TCEANC2: variants seen among roughly 807,000 people sequenced by gnomAD.
The protein encoded by TCEANC2 is transcription elongation factor A N-terminal and central domain containing 2.
In TCEANC2, 20 loss-of-function variants were observed where a neutral mutation model predicts 22.8. The observed-to-expected ratio is 0.88, with a 90% CI of 0.62 to 1.28. The LOEUF (loss-of-function observed/expected upper bound fraction) is 1.28, where lower values mean the gene tolerates loss of function less well. Among genes scored for constraint, TCEANC2 ranks in the 50% most tolerant of loss-of-function variants. TCEANC2 has a pLI of 0.00. For synonymous variants in TCEANC2, 84 were observed against 95.5 expected (o/e 0.88, Z 0.70); for missense variants, 251 against 249.7 (o/e 1.01, Z -0.03).
intron 3 of TCEANC2, among the ~76,000 whole-genome samples, chr1:54,085,059 G>A (rs1240968924): frequency 6.6e-6 from 1 of 152,184 alleles, no homozygotes; most frequent in African/African-American, 2.4e-5. Flanking sequence ...TCCTTGTGAT[G>A]AGTGTTGATG....
intron 3 of TCEANC2, among the ~76,000 whole-genome samples, chr1:54,083,736 A>C (rs1401503806): frequency 6.6e-6 from 1 of 152,196 alleles, no homozygotes; most frequent in Non-Finnish European, 1.5e-5. Flanking sequence ...GTTTGTTGAC[A>C]TGTTGAGCCA....
At chr1:54,065,722 T>C (rs934912370) in intron 2 of TCEANC2, among the ~76,000 whole-genome samples, 4 of 148,286 alleles carry the variant, frequency 2.7e-5, no homozygotes, top group Non-Finnish European at 6.0e-5. Context: ...CAAAAATATA[T>C]ATATATATAA....
intron 3 of TCEANC2, among the ~76,000 whole-genome samples, chr1:54,075,945 G>A (rs1434463675): frequency 2.0e-5 from 3 of 151,304 alleles, no homozygotes; most frequent in Non-Finnish European, 4.4e-5. Flanking sequence ...GCTGAGGCAG[G>A]AGAACCCAGG....
intron 3 of TCEANC2, among the ~76,000 whole-genome samples, chr1:54,075,144 T>C (rs1658124415): frequency 6.6e-6 from 1 of 152,236 alleles, no homozygotes; most frequent in African/African-American, 2.4e-5. Flanking sequence ...ACCTTCCTTG[T>C]CCTATGCCTT....
chr1:54,087,721 G>C (rs1218086456), intron 3 of TCEANC2, among the ~76,000 whole-genome samples: 1 of 152,152 alleles, frequency 6.6e-6, no homozygotes, highest in African/African-American at 2.4e-5. Flanking sequence ...TTAATCTACA[G>C]CAGTCCCTAA....
Position 54,099,818 on chromosome 1 carries a change from A to G in TCEANC2, c.*3345A>G, listed in dbSNP as rs1658627973. ...GTGAGAGTAGTTCCTGAGACCTCTGAGTTACCTGTAAGTCAAGGTGTGAAT... is the reference window on the plus strand; with the variant it reads ...GTGAGAGTAGTTCCTGAGACCTCTGGGTTACCTGTAAGTCAAGGTGTGAAT... On this transcript the variant is annotated 3_prime_UTR_variant, in exon 5 of 5. Transcript: ENST00000234827. 6.6e-6 allele frequency: 1 copy of G among 151,974 alleles called. No individual in the cohort carries two copies. Among genetic ancestry groups the G allele is most frequent in the Non-Finnish European group, 1.5e-5 (1 of 68,020 alleles). The allele number at this position is 151,974 out of a possible 1,614,324, so 9.4% of individuals were successfully genotyped here. A position where few individuals can be genotyped will look rare whatever the true frequency, so the allele number is the denominator to read the frequency against.
chr1:54,065,051 G>A (rs1657924806), intron 2 of TCEANC2, among the ~76,000 whole-genome samples: 1 of 152,064 alleles, frequency 6.6e-6, no homozygotes. Context: ...TCAGCCTTAG[G>A]TTCCCTGCCT....
At chr1:54,095,717 G>C (rs1658533480) in intron 4 of TCEANC2, among the ~76,000 whole-genome samples, 1 of 152,176 alleles carries the variant, frequency 6.6e-6, no homozygotes, top group African/African-American at 2.4e-5. Context: ...ATGAACTTTG[G>C]AGTCGAGGGG....
At chr1:54,092,069 C>A (rs1395036420) in intron 4 of TCEANC2, among the ~76,000 whole-genome samples, 1 of 152,174 alleles carries the variant, frequency 6.6e-6, no homozygotes, top group East Asian at 1.9e-4. Flanking sequence ...CCAGCTCTCT[C>A]ATTAATGTAT....
intron 3 of TCEANC2, among the ~76,000 whole-genome samples, chr1:54,075,718 A>G (rs1318755941): frequency 6.6e-6 from 1 of 152,194 alleles, no homozygotes; most frequent in Non-Finnish European, 1.5e-5. Flanking sequence ...ATCCTACAAT[A>G]AAGAAGCCTG....
Position 54,096,318 on chromosome 1 carries a change from G to A in TCEANC2, c.472G>A (p.Glu158Lys). 6.2e-7 allele frequency: 1 copy of A among 1,600,190 alleles called. No individual in the cohort carries two copies. Among genetic ancestry groups the A allele is most frequent in the Non-Finnish European group, 8.6e-7 (1 of 1,168,234 alleles). The change falls in exon 5 of 5, where the codon GAA becomes AAA. Residue 158 changes from glutamate to lysine, a missense_variant. Glu to Lys is a moderately conservative substitution (Grantham distance 56). Coordinates refer to ENST00000234827, the MANE Select transcript of TCEANC2 (RefSeq NM_153035.3). The surrounding 1 kb of genome is among the most constrained non-coding windows in gnomAD (Gnocchi z 4.9). ...DHLLVENIER[E>K]TFHLCSRLIN... ...CCTACTGGTTGAAAATATTGAACGGGAAACGTTTCATCTCTGCTCCCGCCT... is the reference window on the plus strand; with the variant it reads ...CCTACTGGTTGAAAATATTGAACGGAAAACGTTTCATCTCTGCTCCCGCCT...
At chr1:54,110,493 AC>A (rs1417464040), downstream of TCEANC2, among the ~76,000 whole-genome samples, 39 of 152,106 alleles carry the variant, frequency 2.6e-4, no homozygotes, top group Admixed American at 2.6e-3. Flanking sequence ...GGTCCCAGCT[AC>A]TTGGGAGGCT....
In TCEANC2 at chr1:54,098,041, T is replaced by G. The variant is rs1365397254; in HGVS notation, c.*1568T>G. 5 of 152,226 alleles carry G rather than the reference T, an allele frequency of 3.3e-5. No homozygotes were observed. Among genetic ancestry groups the G allele is most frequent in the African/African-American group, 7.2e-5 (3 of 41,452 alleles). 9.4% of individuals were successfully genotyped at this position (152,226 alleles called of 1,614,324 possible). A position where few individuals can be genotyped will look rare whatever the true frequency, so the allele number is the denominator to read the frequency against. On this transcript the variant is annotated 3_prime_UTR_variant, in exon 5 of 5. Coordinates refer to ENST00000234827, the MANE Select transcript of TCEANC2 (RefSeq NM_153035.3). The stretch of plus-strand genomic sequence containing the variant: ...CCGGGTCTATTTGATTGTATATGGT[T>G]GCCTTGGATGATTTCATCTACTCTC...
chr1:54,059,167 T>C (rs76715072), intron 2 of TCEANC2, among the ~76,000 whole-genome samples: 3 of 149,744 alleles, frequency 2.0e-5, no homozygotes, highest in Non-Finnish European at 4.4e-5. Flanking sequence ...TTTTTTTTTT[T>C]TTCAACTCAG....
In TCEANC2 at chr1:54,068,912, A is replaced by G. The variant is rs751650583; in HGVS notation, c.244+15A>G. On this transcript the variant is annotated intron_variant, in intron 3 of 4. Transcript: ENST00000234827. ...AACAAGGATAGGTATATTCCTTCTT[A>G]ATTTTATTTTTTAAGAAAGCTTATA... 9 of 1,522,774 alleles carry G rather than the reference A, an allele frequency of 5.9e-6. No homozygotes were observed. Among genetic ancestry groups the G allele is most frequent in the Non-Finnish European group, 7.9e-6 (9 of 1,141,616 alleles). The allele number at this position is 1,522,774 out of a possible 1,614,324, so 94.3% of individuals were successfully genotyped here. A position where few individuals can be genotyped will look rare whatever the true frequency, so the allele number is the denominator to read the frequency against.
chr1:54,094,610 G>A (rs908216598), intron 4 of TCEANC2, among the ~76,000 whole-genome samples: 2 of 152,132 alleles, frequency 1.3e-5, no homozygotes, highest in Non-Finnish European at 2.9e-5. Flanking sequence ...TACAACCCCT[G>A]TTCACAGTCT....
At position 54,102,411 on chromosome 1, in the gene TCEANC2, C is replaced by A. The variant is rs946972579; in HGVS notation, c.*5938C>A. 3.9e-5 allele frequency: 6 copies of A among 152,214 alleles called. No individual in the cohort carries two copies. The East Asian group carries it at 5.8e-4, about 15-fold the overall frequency. 9.4% of individuals were successfully genotyped at this position (152,214 alleles called of 1,614,324 possible). A position where few individuals can be genotyped will look rare whatever the true frequency, so the allele number is the denominator to read the frequency against. The stretch of plus-strand genomic sequence containing the variant: ...ATTTTATACTTCTTAAGAAACAACT[C>A]TTGATGCTACAGGGTTCTGGTAGAG... On this transcript the variant is annotated 3_prime_UTR_variant, in exon 5 of 5. Coordinates refer to ENST00000234827, the MANE Select transcript of TCEANC2 (RefSeq NM_153035.3).
chr1:54,058,674 T>C (rs1300518892), intron 2 of TCEANC2, among the ~76,000 whole-genome samples: 1 of 152,184 alleles, frequency 6.6e-6, no homozygotes, highest in Non-Finnish European at 1.5e-5. Context: ...CTTGTTTGTT[T>C]GACATGAAGT....
chr1:54,060,000 G>A (rs1033078814), intron 2 of TCEANC2, among the ~76,000 whole-genome samples: 1 of 152,168 alleles, frequency 6.6e-6, no homozygotes, highest in African/African-American at 2.4e-5. Context: ...AGGTGTGGTG[G>A]CTCATGCCTA....
Sources: allele counts gnomAD v4.1 joint callset (sites outside exome capture counted in the v4.1 genomes callset), GRCh38; gene constraint gnomAD v4.1.1; non-coding constraint Gnocchi (gnomAD v3.1); transcripts MANE v1.5; gene names NCBI Gene and HGNC (gene_info 2026-07-23, HGNC 2026-07-21).